Variants in TRPM6 observed in about 807,000 individuals in gnomAD.
The protein encoded by TRPM6 is transient receptor potential cation channel subfamily M member 6.
A neutral mutation model predicts 247.6 loss-of-function variants in TRPM6; 111 were observed. That is an observed-to-expected ratio of 0.45 (90% CI 0.38 to 0.52). The LOEUF (loss-of-function observed/expected upper bound fraction) is 0.52. TRPM6 is among the 20% of genes least tolerant of loss of function. The probability of loss-of-function intolerance (pLI) is 0.00; values close to 1 mark genes in which losing one functional copy is unlikely to be tolerated. For synonymous variants in TRPM6, 892 were observed against 853.8 expected, an observed-to-expected ratio of 1.04 and a Z score of -0.78; for missense variants, 2,126 against 2,421.5, an observed-to-expected ratio of 0.88 and a Z score of 2.56.
chr9:74,763,625 G>A (rs978311958), intron 25 of TRPM6, among the ~76,000 whole-genome samples: 2 of 151,562 alleles, frequency 1.3e-5, no homozygotes, highest in African/African-American at 4.9e-5. Context: ...AAAAAACACA[G>A]ATCTTTAAAA....
At chr9:74,783,118 T>G (rs542344952) in intron 21 of TRPM6, among the ~76,000 whole-genome samples, 11 of 152,196 alleles carry the variant, frequency 7.2e-5, no homozygotes, top group African/African-American at 2.4e-4. Flanking sequence ...TAAGCAGTAA[T>G]GAATTGTGAA....
intron 9 of TRPM6, among the ~76,000 whole-genome samples, chr9:74,817,855 G>T (rs1564028699): frequency 6.6e-6 from 1 of 152,126 alleles, no homozygotes; most frequent in Non-Finnish European, 1.5e-5. Flanking sequence ...GCAAGACCTA[G>T]TCCCAAGTAT....
At chr9:74,818,130 A>G (rs538838946) in intron 9 of TRPM6, among the ~76,000 whole-genome samples, 1 of 152,070 alleles carries the variant, frequency 6.6e-6, no homozygotes, top group South Asian at 2.1e-4. Flanking sequence ...TGGTCATTAC[A>G]TTGCTTATTA....
At chr9:74,751,466 G>C (rs1826242509) in intron 29 of TRPM6, among the ~76,000 whole-genome samples, 1 of 152,156 alleles carries the variant, frequency 6.6e-6, no homozygotes, top group Non-Finnish European at 1.5e-5. Flanking sequence ...ACTTTACTTT[G>C]AAAATCTTTC....
intron 29 of TRPM6, among the ~76,000 whole-genome samples, chr9:74,751,904 A>G (rs1376050702): frequency 6.6e-6 from 1 of 152,230 alleles, no homozygotes; most frequent in African/African-American, 2.4e-5. Context: ...TAGCTTCTAT[A>G]TGTTGATTCT....
chr9:74,785,153 G>C (rs373815600), intron 21 of TRPM6, among the ~76,000 whole-genome samples: 1 of 151,928 alleles, frequency 6.6e-6, no homozygotes, highest in East Asian at 1.9e-4. Context: ...TTAAACTATC[G>C]GATATAAACG....
intron 3 of TRPM6, among the ~76,000 whole-genome samples, chr9:74,850,786 G>C (rs866370744): frequency 1.3e-5 from 2 of 152,120 alleles, no homozygotes; most frequent in Admixed American, 6.5e-5. Flanking sequence ...ATATGGAAAG[G>C]TTCTTAATGT....
intron 1 of TRPM6, among the ~76,000 whole-genome samples, chr9:74,859,492 G>T (rs370385009): frequency 6.6e-6 from 1 of 152,228 alleles, no homozygotes; most frequent in Non-Finnish European, 1.5e-5. Flanking sequence ...ACGTGTCCTA[G>T]CTGGGCGTGG....
intron 7 of TRPM6, among the ~76,000 whole-genome samples, chr9:74,824,662 C>G (rs1829267532): frequency 6.6e-6 from 1 of 151,288 alleles, no homozygotes. Flanking sequence ...GGCAGGAATA[C>G]AATATTAGAC....
intron 25 of TRPM6, among the ~76,000 whole-genome samples, chr9:74,765,022 A>G (rs1313521119): frequency 6.6e-6 from 1 of 152,238 alleles, no homozygotes; most frequent in Admixed American, 6.5e-5. Flanking sequence ...AAATTAAAAA[A>G]AGAAAAAGTG....
chr9:74,788,856 A>G, intron 19 of TRPM6, 114 bp from the exon 20 acceptor site: 1 of 1,296,080 alleles, frequency 7.7e-7, no homozygotes, highest in Non-Finnish European at 1.1e-6. Context: ...TAACACGAAC[A>G]CAGAACTAGG....
chr9:74,732,937 T>G (rs968911649), intron 36 of TRPM6, among the ~76,000 whole-genome samples: 1 of 152,176 alleles, frequency 6.6e-6, no homozygotes, highest in Non-Finnish European at 1.5e-5. Flanking sequence ...CTCACGCCTG[T>G]AATCCCAGCT....
intron 29 of TRPM6, among the ~76,000 whole-genome samples, chr9:74,751,294 C>A (rs1826236147): frequency 6.6e-6 from 1 of 152,094 alleles, no homozygotes; most frequent in African/African-American, 2.4e-5. Flanking sequence ...TTTTTGCTGT[C>A]CATTAGCAAT....
intron 1 of TRPM6, among the ~76,000 whole-genome samples, chr9:74,872,430 C>A (rs547488717): frequency 1.3e-5 from 2 of 152,222 alleles, no homozygotes; most frequent in East Asian, 1.9e-4. Context: ...AGCTGCCATG[C>A]CTGTGAGCTC....
intron 8 of TRPM6, among the ~76,000 whole-genome samples, chr9:74,820,899 A>G (rs1829110852): frequency 2.0e-5 from 3 of 152,160 alleles, no homozygotes; most frequent in African/African-American, 7.2e-5. Context: ...CTGAAACCCT[A>G]AAAGGTTTAA....
intron 7 of TRPM6, chr9:74,826,732 CTTTCTTTTTT>C (rs1829347326): frequency 5.9e-5 from 7 of 118,736 alleles, no homozygotes; most frequent in South Asian, 3.3e-4. Flanking sequence ...TTTTCTTTTT[CTTTCTTTTTT>C]TTTTTTTTTT....
At chr9:74,835,949 T>A (rs1409822602) in intron 5 of TRPM6, among the ~76,000 whole-genome samples, 1 of 152,050 alleles carries the variant, frequency 6.6e-6, no homozygotes, top group African/African-American at 2.4e-5. Flanking sequence ...GACCCTACAT[T>A]ATAGGGTCAT....
intron 6 of TRPM6, among the ~76,000 whole-genome samples, chr9:74,832,901 A>C (rs1165519229): frequency 6.6e-6 from 1 of 151,994 alleles, no homozygotes; most frequent in African/African-American, 2.4e-5. Flanking sequence ...AAATACAAAA[A>C]TTTGCCGGGC....
intron 4 of TRPM6, 136 bp downstream of exon 4, chr9:74,842,030 G>C (rs1829954374): frequency 2.2e-6 from 2 of 928,270 alleles, no homozygotes; most frequent in Non-Finnish European, 1.7e-6. Flanking sequence ...AGAATCACTT[G>C]AACCCGGGAG....
Sources: allele counts gnomAD v4.1 joint callset (sites outside exome capture counted in the v4.1 genomes callset), GRCh38; gene constraint gnomAD v4.1.1; transcripts MANE v1.5; gene names NCBI Gene and HGNC (gene_info 2026-07-23, HGNC 2026-07-21).